CRYL1: variants seen among roughly 807,000 people sequenced by gnomAD.
CRYL1 encodes lambda-crystallin homolog.
CRYL1 carries 29 observed loss-of-function variants against 36.6 expected under a neutral mutation model. The observed-to-expected ratio is 0.79, with a 90% CI of 0.59 to 1.08. CRYL1 has a LOEUF of 1.08. CRYL1 is among the 50% of genes least tolerant of loss of function. The pLI, the probability that CRYL1 is intolerant of heterozygous loss-of-function variation, is 0.00. For synonymous variants in CRYL1, 152 were observed against 151.5 expected, an observed-to-expected ratio of 1.00 and a Z score of -0.02; for missense variants, 411 against 407.9, an observed-to-expected ratio of 1.01 and a Z score of -0.06.
At chr13:20,427,444 G>T in intron 5 of CRYL1, 1 of 289,510 alleles carries the variant, frequency 3.5e-6, no homozygotes, top group Non-Finnish European at 5.2e-6. Context: ...AACAGAGAGA[G>T]AATGGGTGAT....
chr13:20,506,764 GAA>G (rs1330560438), intron 2 of CRYL1, among the ~76,000 whole-genome samples: 1 of 152,206 alleles, frequency 6.6e-6, no homozygotes, highest in Non-Finnish European at 1.5e-5. Flanking sequence ...TAACAGAATT[GAA>G]AAGTCTATGG....
chr13:20,469,973 G>T (rs916847990), intron 3 of CRYL1, among the ~76,000 whole-genome samples: 1 of 152,316 alleles, frequency 6.6e-6, no homozygotes, highest in East Asian at 1.9e-4. Flanking sequence ...AATCTTAGAA[G>T]TTCAGGACTA....
At chr13:20,420,373 A>G (rs2031772329) in intron 5 of CRYL1, among the ~76,000 whole-genome samples, 1 of 152,070 alleles carries the variant, frequency 6.6e-6, no homozygotes, top group East Asian at 1.9e-4. Context: ...TACATCTATC[A>G]AGTTATAAAA....
intron 1 of CRYL1, among the ~76,000 whole-genome samples, chr13:20,522,124 C>T (rs909964099): frequency 2.0e-5 from 3 of 152,086 alleles, no homozygotes; most frequent in African/African-American, 7.2e-5. Context: ...CTAGGGTGGG[C>T]GGATCAGTTG....
chr13:20,508,800 G>C (rs2033850455), intron 2 of CRYL1, among the ~76,000 whole-genome samples: 1 of 137,266 alleles, frequency 7.3e-6, no homozygotes, highest in South Asian at 2.5e-4. Flanking sequence ...AGCGAGCAGA[G>C]ATCGCTCCAC....
At chr13:20,491,362 A>T (rs1472964264) in intron 2 of CRYL1, among the ~76,000 whole-genome samples, 3 of 152,224 alleles carry the variant, frequency 2.0e-5, no homozygotes, top group Non-Finnish European at 4.4e-5. Context: ...AAGGACAAAC[A>T]TACTGATCCC....
At chr13:20,442,803 G>A (rs1038690845) in intron 3 of CRYL1, among the ~76,000 whole-genome samples, 1 of 152,234 alleles carries the variant, frequency 6.6e-6, no homozygotes, top group African/African-American at 2.4e-5. Flanking sequence ...TTTTGAGGCA[G>A]GGGAGGGAGA....
At chr13:20,420,379 T>C (rs898362622) in intron 5 of CRYL1, among the ~76,000 whole-genome samples, 1 of 152,072 alleles carries the variant, frequency 6.6e-6, no homozygotes, top group African/African-American at 2.4e-5. Context: ...TATCAAGTTA[T>C]AAAAATGTTA....
chr13:20,426,784 T>C, intron 5 of CRYL1: 1 of 985,434 alleles, frequency 1.0e-6, no homozygotes, highest in Non-Finnish European at 1.2e-6. Context: ...ATGTCTGAAG[T>C]AAAGCTCAAC....
intron 2 of CRYL1, among the ~76,000 whole-genome samples, chr13:20,502,953 G>T (rs1441881972): frequency 6.6e-6 from 1 of 152,160 alleles, no homozygotes; most frequent in Non-Finnish European, 1.5e-5. Flanking sequence ...CTGCTAATGT[G>T]CATTGGTCTA....
intron 3 of CRYL1, among the ~76,000 whole-genome samples, chr13:20,458,666 T>C (rs903381635): frequency 6.6e-6 from 1 of 152,182 alleles, no homozygotes; most frequent in African/African-American, 2.4e-5. Flanking sequence ...CAGTGGGAAT[T>C]TTACACCTGA....
chr13:20,504,473 T>G (rs887508760), intron 2 of CRYL1, among the ~76,000 whole-genome samples: 1 of 151,890 alleles, frequency 6.6e-6, no homozygotes, highest in Admixed American at 6.6e-5. Flanking sequence ...CCAGCTGATT[T>G]TTTTGTATTT....
intron 3 of CRYL1, among the ~76,000 whole-genome samples, chr13:20,470,435 G>A (rs2033029505): frequency 1.3e-5 from 2 of 152,348 alleles, no homozygotes; most frequent in South Asian, 4.1e-4. Flanking sequence ...CTGGACAAGA[G>A]CAGTGACATC....
Position 20,525,789 on chromosome 13 carries a change from C to A in CRYL1, c.6G>T (p.Ala2=). 1 of 1,273,932 alleles carries A rather than the reference C, an allele frequency of 7.8e-7. No homozygotes were observed. The highest frequency in any genetic ancestry group is 9.9e-7 in the Non-Finnish European group (1 of 1,008,960). 78.9% of individuals were successfully genotyped at this position (1,273,932 alleles called of 1,614,324 possible). Residue 2 remains alanine, a synonymous_variant, in exon 1 of 8, where the codon GCG becomes GCT. Coordinates refer to ENST00000298248, the MANE Select transcript of CRYL1 (RefSeq NM_015974.3). The surrounding 1 kb of genome is among the most constrained non-coding windows in gnomAD (Gnocchi z 4.3). M[A]SSAAGCVVIV... ...TCACCACGCAGCCGGCCGCGGAGGA[C>A]GCCATGGTTGGGCCGGGGACGCGGC...
intron 3 of CRYL1, among the ~76,000 whole-genome samples, chr13:20,469,998 C>T (rs536072228): frequency 2.0e-5 from 3 of 152,326 alleles, no homozygotes; most frequent in South Asian, 4.1e-4. Context: ...CGCTAATTTA[C>T]GCCTCAGGGT....
intron 2 of CRYL1, among the ~76,000 whole-genome samples, chr13:20,494,170 C>G (rs17248139): frequency 6.6e-6 from 1 of 152,042 alleles, no homozygotes; most frequent in African/African-American, 2.4e-5. Context: ...ATAAACACAA[C>G]CAGAAGAAAA....
chr13:20,459,053 G>A (rs1401692130), intron 3 of CRYL1, among the ~76,000 whole-genome samples: 1 of 152,028 alleles, frequency 6.6e-6, no homozygotes, highest in Non-Finnish European at 1.5e-5. Flanking sequence ...GGCTAACACG[G>A]TGAAACCCCG....
intron 3 of CRYL1, among the ~76,000 whole-genome samples, chr13:20,468,746 C>T (rs1163648504): frequency 6.6e-6 from 1 of 152,218 alleles, no homozygotes; most frequent in Non-Finnish European, 1.5e-5. Context: ...GCGAAGACTA[C>T]AGGCATATAC....
At chr13:20,484,741 G>A (rs1490975443) in intron 3 of CRYL1, among the ~76,000 whole-genome samples, 3 of 152,096 alleles carry the variant, frequency 2.0e-5, no homozygotes, top group Non-Finnish European at 4.4e-5. Flanking sequence ...AAATGTATTA[G>A]AAAGAGAGAA....
Sources: gnomAD v4.1 joint callset for allele counts (sites outside exome capture counted in the v4.1 genomes callset) on GRCh38, gnomAD v4.1.1 for gene constraint, Gnocchi (gnomAD v3.1) non-coding constraint, MANE v1.5 for transcripts, NCBI Gene and HGNC (gene_info 2026-07-23, HGNC 2026-07-21) for gene names.